The following CAMK1D variants were observed in gnomAD, a reference collection of about 807,000 sequenced individuals.
The protein encoded by CAMK1D is calcium/calmodulin-dependent protein kinase type 1D.
A neutral mutation model predicts 47.7 loss-of-function variants in CAMK1D; 9 were observed. The ratio of observed to expected loss-of-function variants is 0.19; its 90% CI spans 0.11 to 0.33. The LOEUF is 0.33. CAMK1D is among the 10% of genes least tolerant of loss of function. The pLI is 1.00. For missense variants in CAMK1D, 291 were observed against 488.7 expected (o/e 0.60, Z 3.81); for synonymous variants, 184 against 184.9 (o/e 0.99, Z 0.04).
At chr10:12,752,482 A>G (rs74118568) in intron 3 of CAMK1D, among the ~76,000 whole-genome samples, 2,255 of 152,056 alleles carry the variant, frequency 0.015, 63 homozygotes, top group African/African-American at 0.052. Flanking sequence ...GAAATTACCT[A>G]ATGGGGACAA....
chr10:12,392,940 A>C (rs944642859), intron 1 of CAMK1D, among the ~76,000 whole-genome samples: 2 of 144,148 alleles, frequency 1.4e-5, no homozygotes, highest in African/African-American at 5.2e-5. Context: ...ACACACACAC[A>C]ACACACACAC....
chr10:12,816,227 C>T, intron 7 of CAMK1D, 23 bp from the exon 8 acceptor site: 1 of 1,607,474 alleles, frequency 6.2e-7, no homozygotes, highest in Middle Eastern at 1.7e-4. Context: ...TGATTCCTTC[C>T]CTTGTGCCTT....
intron 1 of CAMK1D, among the ~76,000 whole-genome samples, chr10:12,358,649 T>G (rs1295742977): frequency 6.6e-6 from 1 of 152,158 alleles, no homozygotes; most frequent in Admixed American, 6.5e-5. Flanking sequence ...CAACGTAACA[T>G]AACAGAAAGA....
intron 1 of CAMK1D, among the ~76,000 whole-genome samples, chr10:12,521,330 A>C (rs988277621): frequency 9.2e-5 from 14 of 152,168 alleles, no homozygotes; most frequent in Non-Finnish European, 1.5e-4. Flanking sequence ...TTAATTCAAG[A>C]TGTTTTCTAA....
intron 2 of CAMK1D, among the ~76,000 whole-genome samples, chr10:12,619,515 T>C (rs1838925282): frequency 6.6e-6 from 1 of 152,180 alleles, no homozygotes; most frequent in African/African-American, 2.4e-5. Flanking sequence ...CTTGAATTGC[T>C]GGCCTCAAGT....
chr10:12,808,003 G>A (rs1838812377), intron 6 of CAMK1D, among the ~76,000 whole-genome samples: 1 of 152,234 alleles, frequency 6.6e-6, no homozygotes, highest in East Asian at 1.9e-4. Context: ...CTCAGCTCTA[G>A]CTGCAAACCA....
At chr10:12,751,290 C>A (rs1835971491) in intron 3 of CAMK1D, among the ~76,000 whole-genome samples, 1 of 152,134 alleles carries the variant, frequency 6.6e-6, no homozygotes, top group Admixed American at 6.5e-5. Flanking sequence ...GAGTCTTGCT[C>A]TGTCACCCAT....
At chr10:12,655,322 G>A (rs1297742834) in intron 2 of CAMK1D, among the ~76,000 whole-genome samples, 1 of 152,050 alleles carries the variant, frequency 6.6e-6, no homozygotes, top group African/African-American at 2.4e-5. Context: ...AGCCATGAGG[G>A]ATCCACCCCC....
chr10:12,710,943 A>G (rs113169999), intron 3 of CAMK1D, among the ~76,000 whole-genome samples: 5 of 152,204 alleles, frequency 3.3e-5, no homozygotes, highest in African/African-American at 7.2e-5. Flanking sequence ...TTCAGACTAT[A>G]TACCATGGAT....
At chr10:12,467,091 G>A (rs1022421740) in intron 1 of CAMK1D, among the ~76,000 whole-genome samples, 1 of 152,020 alleles carries the variant, frequency 6.6e-6, no homozygotes, top group Admixed American at 6.6e-5. Flanking sequence ...GAAGGAATGG[G>A]TAGATGCTGC....
chr10:12,618,475 C>T (rs769645061), intron 2 of CAMK1D, among the ~76,000 whole-genome samples: 2 of 152,200 alleles, frequency 1.3e-5, no homozygotes, highest in African/African-American at 2.4e-5. Flanking sequence ...AACCGTCTTG[C>T]ACTTGTGTGT....
intron 1 of CAMK1D, among the ~76,000 whole-genome samples, chr10:12,532,039 C>A (rs1835820955): frequency 6.6e-6 from 1 of 152,230 alleles, no homozygotes; most frequent in Admixed American, 6.5e-5. Context: ...CAGGGGAGAG[C>A]TTTGGCCAGC....
chr10:12,751,163 G>A (rs941983818), intron 3 of CAMK1D, among the ~76,000 whole-genome samples: 2 of 152,088 alleles, frequency 1.3e-5, no homozygotes, highest in African/African-American at 4.8e-5. Flanking sequence ...GCTTCATGCT[G>A]CATGCTTTGA....
At chr10:12,570,983 G>A (rs1837306781) in intron 2 of CAMK1D, among the ~76,000 whole-genome samples, 1 of 151,948 alleles carries the variant, frequency 6.6e-6, no homozygotes, top group South Asian at 2.1e-4. Context: ...GACAGGAGTG[G>A]TCAGTGTTGT....
intron 6 of CAMK1D, among the ~76,000 whole-genome samples, chr10:12,807,607 A>G (rs918601130): frequency 6.6e-5 from 10 of 152,176 alleles, no homozygotes; most frequent in Non-Finnish European, 1.2e-4. Context: ...GGGAGCTGGA[A>G]TTACCAGGTG....
chr10:12,565,138 G>T (rs531912502), intron 2 of CAMK1D, among the ~76,000 whole-genome samples: 1 of 152,350 alleles, frequency 6.6e-6, no homozygotes, highest in Non-Finnish European at 1.5e-5. Context: ...TTGGGTCCAG[G>T]AGTTTGAGGC....
intron 1 of CAMK1D, among the ~76,000 whole-genome samples, chr10:12,427,627 T>C (rs1211214714): frequency 6.6e-6 from 1 of 151,784 alleles, no homozygotes; most frequent in Non-Finnish European, 1.5e-5. Context: ...TCTCCTTCAT[T>C]TGGTTTCAAG....
chr10:12,763,673 G>A (rs1836611001), intron 4 of CAMK1D, among the ~76,000 whole-genome samples: 1 of 152,166 alleles, frequency 6.6e-6, no homozygotes, highest in Non-Finnish European at 1.5e-5. Flanking sequence ...CCGCTGGGGG[G>A]CAAAATTGCC....
chr10:12,501,435 G>T (rs972340270), intron 1 of CAMK1D, among the ~76,000 whole-genome samples: 8 of 152,294 alleles, frequency 5.3e-5, no homozygotes, highest in Non-Finnish European at 5.9e-5. Flanking sequence ...TGTGCTCAGC[G>T]CTGTTCTGCC....
Sources: allele counts gnomAD v4.1 joint callset (sites outside exome capture counted in the v4.1 genomes callset), GRCh38; gene constraint gnomAD v4.1.1; transcripts MANE v1.5; gene names NCBI Gene and HGNC (gene_info 2026-07-23, HGNC 2026-07-21).